Variants in NMBR observed in about 807,000 individuals in gnomAD.
NMBR encodes the protein neuromedin-B receptor.
A neutral mutation model predicts 20.5 loss-of-function variants in NMBR; 16 were observed. The observed-to-expected ratio is 0.78, with a 90% CI of 0.53 to 1.19. The LOEUF is 1.19. Among genes scored for constraint, NMBR ranks in the 50% most tolerant of loss-of-function variants. The pLI, the probability that NMBR is intolerant of heterozygous loss-of-function variation, is 0.00. For synonymous variants in NMBR, 212 were observed against 196.6 expected (o/e 1.08, Z -0.65); for missense variants, 582 against 499.1 (o/e 1.17, Z -1.58).
chr6:142,078,983 A>T lies in NMBR; in HGVS notation c.423-80T>A, dbSNP rs1309761879. The T allele has an allele frequency of 4.1e-6, 4 of 984,994 alleles. No individual in the cohort carries two copies. In the East Asian group the frequency reaches 7.9e-5, roughly 19 times the overall value. 61.0% of individuals were successfully genotyped at this position (984,994 alleles called of 1,614,324 possible). A position where few individuals can be genotyped will look rare whatever the true frequency, so the allele number is the denominator to read the frequency against. ...AAAGAAAAGAAAGAAAGAAAAAGAA[A>T]GGAAGAAAGGGAGAGAGAGAGAAAG... On this transcript the variant is annotated intron_variant, in intron 2 of 3. Transcript: ENST00000258042.
chr6:142,113,519 A>G (rs1480732981), intron 1 of NMBR, among the ~76,000 whole-genome samples: 1 of 152,182 alleles, frequency 6.6e-6, no homozygotes, highest in Non-Finnish European at 1.5e-5. Context: ...TGACTCTTTC[A>G]TCACCTTTCT....
At chr6:142,112,553 C>A (rs1426279996) in intron 1 of NMBR, among the ~76,000 whole-genome samples, 1 of 152,150 alleles carries the variant, frequency 6.6e-6, no homozygotes. Flanking sequence ...AATCAGCCTG[C>A]CTTTACTCCC....
In NMBR at chr6:142,077,884, A is replaced by G. The variant is rs1222565020; in HGVS notation, c.771+671T>C. On this transcript the variant is annotated intron_variant, in intron 3 of 3. Transcript: ENST00000258042. Reference sequence around the variant, plus strand: ...TTCTCTTTGTGTATTAACACAGTAGATTTTTACCTTAAATTAGTACTGCAT... The same window carrying G: ...TTCTCTTTGTGTATTAACACAGTAGGTTTTTACCTTAAATTAGTACTGCAT... 2.6e-5 allele frequency among the ~76,000 whole-genome samples: 4 copies of G among 152,224 alleles called. No individual in the cohort carries two copies. In the East Asian group the frequency reaches 7.7e-4, roughly 29 times the overall value.
At chr6:142,076,136 A>C in intron 3 of NMBR, 87 bp from the exon 4 acceptor site, 1 of 1,063,998 alleles carries the variant, frequency 9.4e-7, no homozygotes, top group Non-Finnish European at 1.4e-6. Flanking sequence ...AAAGAGCAAA[A>C]TTTACAGCAT....
At chr6:142,143,786 G>A (rs201130528) in intron 1 of NMBR, among the ~76,000 whole-genome samples, 9 of 145,080 alleles carry the variant, frequency 6.2e-5, no homozygotes, top group Non-Finnish European at 9.0e-5. Context: ...AAAAGCAAAG[G>A]AAAAAAAAAA....
intron 3 of NMBR, 42 bp from the exon 4 acceptor site, chr6:142,076,091 T>C (rs1300376838): frequency 6.6e-6 from 10 of 1,518,146 alleles, no homozygotes; most frequent in Non-Finnish European, 8.8e-6. Flanking sequence ...AAAGTGAAAA[T>C]GGAACCAGCC....
chr6:142,134,560 C>A, intron 1 of NMBR: 1 of 582,400 alleles, frequency 1.7e-6, no homozygotes, highest in South Asian at 2.3e-5. Flanking sequence ...AGTTATTGTC[C>A]TGGTTCCTGG....
chr6:142,086,901 T>C (rs1044674899), intron 2 of NMBR, among the ~76,000 whole-genome samples: 9 of 152,174 alleles, frequency 5.9e-5, no homozygotes, highest in Admixed American at 5.2e-4. Flanking sequence ...AATCATTAAG[T>C]TTTATTCTAA....
chr6:142,100,952 G>C (rs1332268390), intron 1 of NMBR, among the ~76,000 whole-genome samples: 4 of 152,172 alleles, frequency 2.6e-5, no homozygotes, highest in Non-Finnish European at 4.4e-5. Context: ...TCTGTTAAAA[G>C]AGAATTATTA....
At chr6:142,104,733 C>CT (rs1206889667) in intron 1 of NMBR, among the ~76,000 whole-genome samples, 5 of 152,166 alleles carry the variant, frequency 3.3e-5, no homozygotes, top group Non-Finnish European at 5.9e-5. Flanking sequence ...CTCTCCCTCT[C>CT]TTTTTTTGTT....
At chr6:142,133,510 A>AT (rs776830619) in intron 1 of NMBR, among the ~76,000 whole-genome samples, 27 of 152,234 alleles carry the variant, frequency 1.8e-4, no homozygotes, top group Admixed American at 1.2e-3. Flanking sequence ...TTACTACTGG[A>AT]TTTTTTATCT....
intron 1 of NMBR, among the ~76,000 whole-genome samples, chr6:142,122,625 T>C (rs2114599189): frequency 6.6e-6 from 1 of 152,050 alleles, no homozygotes; most frequent in Middle Eastern, 3.4e-3. Flanking sequence ...CAGGCCTGAC[T>C]CTTGTTAGGA....
intron 1 of NMBR, among the ~76,000 whole-genome samples, chr6:142,139,090 C>T (rs1326672045): frequency 2.0e-5 from 3 of 152,076 alleles, no homozygotes; most frequent in African/African-American, 7.2e-5. Context: ...GTGGTGGTGA[C>T]ACAAATTGCC....
intron 1 of NMBR, among the ~76,000 whole-genome samples, chr6:142,130,610 G>A (rs567629740): frequency 4.2e-4 from 64 of 152,220 alleles, no homozygotes; most frequent in Middle Eastern, 3.4e-3. Context: ...AAGCCAAAGA[G>A]TGATTAAGAG....
At chr6:142,119,056 C>T (rs1022007872) in intron 1 of NMBR, among the ~76,000 whole-genome samples, 14 of 151,986 alleles carry the variant, frequency 9.2e-5, no homozygotes, top group African/African-American at 3.4e-4. Context: ...GGCAGCCCTG[C>T]AAATGGAATG....
intron 1 of NMBR, among the ~76,000 whole-genome samples, chr6:142,116,335 T>C (rs915943851): frequency 4.6e-5 from 7 of 151,896 alleles, no homozygotes; most frequent in African/African-American, 1.7e-4. Flanking sequence ...ACAGTTACTG[T>C]AGGATGCAGT....
intron 1 of NMBR, among the ~76,000 whole-genome samples, chr6:142,141,722 C>A (rs908212797): frequency 2.6e-5 from 4 of 152,080 alleles, no homozygotes; most frequent in African/African-American, 9.7e-5. Context: ...GCCAGGCTGT[C>A]TCGAACTCCT....
Position 142,129,826 on chromosome 6 carries a change from A to G in NMBR, c.-664+17218T>C, listed in dbSNP as rs981614643. Among the ~76,000 whole-genome samples the G allele has an allele frequency of 5.3e-5, 8 of 152,158 alleles. No homozygotes were observed. The East Asian group carries it at 1.2e-3, about 22-fold the overall frequency. On this transcript the variant is annotated intron_variant, in intron 1 of 3. Coordinates refer to ENST00000258042, the MANE Select transcript of NMBR (RefSeq NM_002511.4). ...TTCTCCGAATCCTTTCATAATCCAC[A>G]TACAACAATCACTTGAGGTAAATAC...
chr6:142,141,630 G>A (rs958571282), intron 1 of NMBR, among the ~76,000 whole-genome samples: 2 of 149,772 alleles, frequency 1.3e-5, no homozygotes, highest in East Asian at 2.0e-4. Flanking sequence ...TCAGCCTCCC[G>A]AATAGCTGGG....
Sources: allele counts gnomAD v4.1 joint callset (sites outside exome capture counted in the v4.1 genomes callset), GRCh38; gene constraint gnomAD v4.1.1; transcripts MANE v1.5; gene names NCBI Gene and HGNC (gene_info 2026-07-23, HGNC 2026-07-21).